The following FAP variants were observed in gnomAD, a reference collection of about 807,000 sequenced individuals.
The protein encoded by FAP is prolyl endopeptidase FAP.
Under a neutral mutation model 126.5 loss-of-function variants are expected in FAP, and 110 were observed. That is an observed-to-expected ratio of 0.87 (90% CI 0.74 to 1.02). The LOEUF is 1.02. Ranked by LOEUF, FAP falls within the 50% of genes least tolerant of loss-of-function variation. The probability of loss-of-function intolerance (pLI) is 0.00; values close to 1 mark genes in which losing one functional copy is unlikely to be tolerated. For synonymous variants in FAP, 334 were observed against 297.3 expected, an observed-to-expected ratio of 1.12 and a Z score of -1.27; for missense variants, 919 against 909.2, an observed-to-expected ratio of 1.01 and a Z score of -0.14.
intron 2 of FAP, among the ~76,000 whole-genome samples, chr2:162,238,316 T>G (rs981742742): frequency 6.6e-6 from 1 of 152,206 alleles, no homozygotes; most frequent in African/African-American, 2.4e-5. Flanking sequence ...TGAATCTGGT[T>G]TTCAAGGTAT....
chr2:162,224,135 G>A (rs1559789577), intron 5 of FAP, among the ~76,000 whole-genome samples: 2 of 152,122 alleles, frequency 1.3e-5, no homozygotes, highest in East Asian at 1.9e-4. Flanking sequence ...GCCTTTCTTT[G>A]AGTACAGTTT....
chr2:162,193,763 T>C (rs1688137528), intron 17 of FAP: 1 of 152,096 alleles, frequency 6.6e-6, no homozygotes, highest in Non-Finnish European at 1.5e-5. Flanking sequence ...CCCAAATTGA[T>C]TCTGTTTTTG....
At chr2:162,232,644 A>ATGG (rs559508076) in intron 2 of FAP, among the ~76,000 whole-genome samples, 1 of 152,150 alleles carries the variant, frequency 6.6e-6, no homozygotes, top group Non-Finnish European at 1.5e-5. Context: ...TCTAACAGCA[A>ATGG]TTTTCCATGG....
At chr2:162,188,961 C>T in intron 19 of FAP, 142 bp downstream of exon 19, 1 of 449,506 alleles carries the variant, frequency 2.2e-6, no homozygotes, top group Non-Finnish European at 4.0e-6. Flanking sequence ...ATTTTATTTA[C>T]TCTGATTAGT....
chr2:162,228,329 A>G (rs1689746655), intron 2 of FAP, among the ~76,000 whole-genome samples: 1 of 152,170 alleles, frequency 6.6e-6, no homozygotes, highest in African/African-American at 2.4e-5. Context: ...TTCCAGCTAT[A>G]CCATGCTAGA....
chr2:162,191,438 A>G lies in FAP; in HGVS notation c.1451-1684T>C, dbSNP rs3788975. ...GAGGTGGCAGCTGGGCTTCTCAATA[A>G]GGCTGTGCATTAAAAACCCATAACC... On this transcript the variant is annotated intron_variant, in intron 17 of 25. Coordinates refer to ENST00000188790, the MANE Select transcript of FAP (RefSeq NM_004460.5). Among the ~76,000 whole-genome samples, 1,501 of 152,160 alleles carry G rather than the reference A, an allele frequency of 9.9e-3. 99 individuals carry two copies. In the East Asian group the frequency reaches 0.18, roughly 19 times the overall value.
At chr2:162,183,971 T>C (rs1419200395) in intron 20 of FAP, among the ~76,000 whole-genome samples, 1 of 152,182 alleles carries the variant, frequency 6.6e-6, no homozygotes, top group Non-Finnish European at 1.5e-5. Flanking sequence ...TACTTAGGCA[T>C]CCTCAATTCA....
At chr2:162,216,601 T>C (rs1689169686) in intron 9 of FAP, among the ~76,000 whole-genome samples, 1 of 152,228 alleles carries the variant, frequency 6.6e-6, no homozygotes, top group African/African-American at 2.4e-5. Flanking sequence ...TACTACTGTA[T>C]GCTTAAAATT....
chr2:162,239,246 A>C (rs953067018), intron 2 of FAP, among the ~76,000 whole-genome samples: 1 of 151,878 alleles, frequency 6.6e-6, no homozygotes, highest in Non-Finnish European at 1.5e-5. Context: ...CATGTTGCCC[A>C]GCCTGGTCTC....
In FAP at chr2:162,216,398, A is replaced by G. The variant is rs79646320; in HGVS notation, c.763-397T>C. 8.5e-4 allele frequency among the ~76,000 whole-genome samples: 130 copies of G among 152,322 alleles called. 2 individuals are homozygous for G. The highest frequency in any genetic ancestry group is 1.9e-3 in the South Asian group (9 of 4,824). On this transcript the variant is annotated intron_variant, in intron 9 of 25. Transcript: ENST00000188790. ...GAGTTCAGAGGGTGATTAATTTGAG[A>G]GGAGAATGGAAAGAAAAATAAATGA... is the stretch of plus-strand genomic sequence containing the variant.
At chr2:162,213,270 G>A (rs968855230) in intron 11 of FAP, among the ~76,000 whole-genome samples, 5 of 151,772 alleles carry the variant, frequency 3.3e-5, no homozygotes, top group Non-Finnish European at 7.4e-5. Flanking sequence ...CAGCTACTCA[G>A]GAGACTGAGG....
At chr2:162,177,333 A>G (rs1289555331) in intron 21 of FAP, among the ~76,000 whole-genome samples, 3 of 152,150 alleles carry the variant, frequency 2.0e-5, no homozygotes, top group Non-Finnish European at 4.4e-5. Flanking sequence ...AATAATAATA[A>G]CTAGCTAACA....
chr2:162,202,879 C>A lies in FAP; in HGVS notation c.1216G>T (p.Asp406Tyr). ...EAINIFRVTQ[D>Y]SLFYSSNEFE... is the part of the protein sequence containing the mutation. ...GCTTCGTGCAATACTTACAGTGAATCCTGTGTTACTCTGAATATATTTATG... is the reference window on the plus strand; with the variant it reads ...GCTTCGTGCAATACTTACAGTGAATACTGTGTTACTCTGAATATATTTATG... Residue 406 changes from aspartate to tyrosine, a missense_variant, in exon 14 of 26, where the codon GAT (aspartate) becomes TAT (tyrosine). Physicochemically the swap from Asp to Tyr is radical, Grantham distance 160. Coordinates refer to ENST00000188790, the MANE Select transcript of FAP (RefSeq NM_004460.5). 6.2e-7 allele frequency: 1 copy of A among 1,613,022 alleles called. No individual in the cohort carries two copies. The highest frequency in any genetic ancestry group is 8.5e-7 in the Non-Finnish European group (1 of 1,179,102).
At chr2:162,207,124 T>C (rs2106255819) in intron 12 of FAP, among the ~76,000 whole-genome samples, 1 of 152,342 alleles carries the variant, frequency 6.6e-6, no homozygotes, top group Non-Finnish European at 1.5e-5. Flanking sequence ...TGGTTAATTT[T>C]ATTAAGTCAC....
At chr2:162,235,567 T>G (rs914864012) in intron 2 of FAP, among the ~76,000 whole-genome samples, 2 of 152,190 alleles carry the variant, frequency 1.3e-5, no homozygotes, top group African/African-American at 4.8e-5. Flanking sequence ...TGTGTCTGGC[T>G]CAGGGATTGT....
In FAP at chr2:162,189,946, C is replaced by T. The variant is rs140811399; in HGVS notation, c.1451-192G>A. 1.4e-3 allele frequency among the ~76,000 whole-genome samples: 208 copies of T among 152,064 alleles called. 1 individual carries two copies. Among genetic ancestry groups the T allele is most frequent in the African/African-American group, 4.8e-3 (201 of 41,524 alleles). ...AGATATAAGCTTATGAAGGACATCA[C>T]ATTTTAATCACTGTGTCTTTAACTA... On this transcript the variant is annotated intron_variant, in intron 17 of 25. Coordinates refer to ENST00000188790, the MANE Select transcript of FAP (RefSeq NM_004460.5).
At chr2:162,224,146 T>C (rs1447977080) in intron 5 of FAP, among the ~76,000 whole-genome samples, 1 of 152,166 alleles carries the variant, frequency 6.6e-6, no homozygotes, top group Non-Finnish European at 1.5e-5. Flanking sequence ...AGTACAGTTT[T>C]AAAAATAATA....
intron 10 of FAP, among the ~76,000 whole-genome samples, chr2:162,214,363 G>C (rs1248083294): frequency 6.6e-6 from 1 of 151,930 alleles, no homozygotes; most frequent in African/African-American, 2.4e-5. Context: ...TAATGTCAAA[G>C]CTACTGATCA....
chr2:162,243,118 T>A, intron 1 of FAP, 126 bp from the exon 2 acceptor site: 2 of 859,352 alleles, frequency 2.3e-6, no homozygotes, highest in Non-Finnish European at 3.7e-6. Flanking sequence ...TTTCCACTGA[T>A]CCGGCTATAA....
Sources: allele counts gnomAD v4.1 joint callset (sites outside exome capture counted in the v4.1 genomes callset), GRCh38; gene constraint gnomAD v4.1.1; transcripts MANE v1.5; gene names NCBI Gene and HGNC (gene_info 2026-07-23, HGNC 2026-07-21).